The following LOXHD1 variants were observed in gnomAD, a reference collection of about 807,000 sequenced individuals.
The protein encoded by LOXHD1 is lipoxygenase homology domain-containing protein 1.
A neutral mutation model predicts 248.2 loss-of-function variants in LOXHD1; 205 were observed. That is an observed-to-expected ratio of 0.83 (90% CI 0.74 to 0.93). LOXHD1 has a LOEUF of 0.93. Among genes scored for constraint, LOXHD1 ranks in the 40% least tolerant of loss-of-function variants. The pLI is 0.00. For synonymous variants in LOXHD1, 1,113 were observed against 1,162.8 expected (o/e 0.96, Z 0.87); for missense variants, 2,930 against 2,971.6 (o/e 0.99, Z 0.33).
intron 4 of LOXHD1, among the ~76,000 whole-genome samples, chr18:46,636,487 G>A (rs780385792): frequency 1.3e-4 from 20 of 152,292 alleles, no homozygotes; most frequent in South Asian, 2.1e-4. Context: ...AATCACCTCC[G>A]TCAAAGGGTC....
At position 46,598,288 on chromosome 18, in the gene LOXHD1, C is replaced by T. The variant is rs573515216; in HGVS notation, c.1134+2929G>A. Among the ~76,000 whole-genome samples, 379 of 152,122 alleles carry T rather than the reference C, an allele frequency of 2.5e-3. 1 individual carries two copies. In the Middle Eastern group the frequency reaches 0.045, roughly 18 times the overall value. ...ACCAATTCATCATAAAAACTCCTTA[C>T]AATATAAAAGTAGAAGGGAATTTTA... On this transcript the variant is annotated intron_variant, in intron 8 of 40. Transcript: ENST00000642948.
chr18:46,551,484 G>C (rs1411408468), intron 21 of LOXHD1, among the ~76,000 whole-genome samples: 1 of 151,998 alleles, frequency 6.6e-6, no homozygotes, highest in Admixed American at 6.6e-5. Flanking sequence ...GCCTAAGATG[G>C]TGCCAACCCT....
chr18:46,529,331 A>C lies in LOXHD1; in HGVS notation c.4376T>G (p.Ile1459Ser), dbSNP rs1006847973. The change falls in exon 29 of 41, where the codon ATT (isoleucine) becomes AGT (serine). Residue 1459 changes from isoleucine to serine, a missense_variant and splice_region_variant. Coordinates refer to ENST00000642948, the MANE Select transcript of LOXHD1 (RefSeq NM_001384474.1). ...VYKEVEEPLD[I>S]VLYSVQIFTG... ...GAAGATCTGCACCGAGTACAGCACA[A>C]CTGGGCAGGTGGTGGGACAGACAGA... is the stretch of plus-strand genomic sequence containing the variant. 14 of 1,536,328 alleles carry C rather than the reference A, an allele frequency of 9.1e-6. No individual in the cohort carries two copies. Among genetic ancestry groups the C allele is most frequent in the Non-Finnish European group, 1.2e-5 (14 of 1,135,914 alleles).
chr18:46,567,630 A>G (rs766615331), intron 16 of LOXHD1, among the ~76,000 whole-genome samples: 6 of 152,228 alleles, frequency 3.9e-5, no homozygotes, highest in African/African-American at 7.2e-5. Flanking sequence ...CAGTTCTACA[A>G]CACTTCACAC....
At chr18:46,616,628 C>T (rs375024831) in intron 5 of LOXHD1, among the ~76,000 whole-genome samples, 1 of 151,948 alleles carries the variant, frequency 6.6e-6, no homozygotes, top group African/African-American at 2.4e-5. Context: ...GAAGTATATC[C>T]TTTAGTGGTT....
chr18:46,520,148 G>T, intron 33 of LOXHD1: 1 of 452,958 alleles, frequency 2.2e-6, no homozygotes, highest in Non-Finnish European at 4.4e-6. Context: ...GTGCGCTATA[G>T]AAAGTGCTGC....
intron 34 of LOXHD1, among the ~76,000 whole-genome samples, chr18:46,512,761 T>C (rs991300453): frequency 1.3e-5 from 2 of 152,204 alleles, no homozygotes; most frequent in Admixed American, 6.5e-5. Context: ...ATCTGACCAA[T>C]CTCAGTGCCT....
Position 46,488,682 on chromosome 18 carries a change from A to G in LOXHD1, c.6049+290T>C, listed in dbSNP as rs1361949546. 2.0e-5 allele frequency among the ~76,000 whole-genome samples: 3 copies of G among 152,308 alleles called. No homozygotes were observed. The East Asian group carries it at 5.8e-4, about 29-fold the overall frequency. ...GATGTCCATGTTATAAAAATAAACC[A>G]GAGAGAACTCCACACCAAACCACCC... On this transcript the variant is annotated intron_variant, in intron 38 of 40. Transcript: ENST00000642948.
Position 46,572,120 on chromosome 18 carries a change from C to T in LOXHD1, c.2013G>A (p.Glu671=). 1.3e-6 allele frequency: 2 copies of T among 1,551,876 alleles called. No homozygotes were observed. Among genetic ancestry groups the T allele is most frequent in the Non-Finnish European group, 1.7e-6 (2 of 1,147,040 alleles). ...KDKDDGQLVR[E]LLPSDSSATL... is the part of the protein sequence containing the mutation. ...TCGCGCTGCTGTCACTGGGTAGCAA[C>T]TCTCGGACCAGCTGCCCATCATCCT... The change falls in exon 15 of 41, where the codon GAG becomes GAA. Residue 671 remains glutamate, a synonymous_variant. Coordinates refer to ENST00000642948, the MANE Select transcript of LOXHD1 (RefSeq NM_001384474.1).
chr18:46,496,013 C>T (rs1029885945), intron 37 of LOXHD1, among the ~76,000 whole-genome samples: 1 of 152,112 alleles, frequency 6.6e-6, no homozygotes, highest in Non-Finnish European at 1.5e-5. Flanking sequence ...GCCTGGGTGA[C>T]AGAGTGAAAC....
chr18:46,546,475 A>G (rs199643251), intron 22 of LOXHD1, among the ~76,000 whole-genome samples: 1 of 129,744 alleles, frequency 7.7e-6, no homozygotes, highest in African/African-American at 2.9e-5. Context: ...TTCCATTCCA[A>G]CCCATCACAT....
chr18:46,530,732 A>T (rs1267607393), intron 28 of LOXHD1, among the ~76,000 whole-genome samples: 1 of 152,192 alleles, frequency 6.6e-6, no homozygotes, highest in East Asian at 1.9e-4. Flanking sequence ...CACCCACAGC[A>T]GGGTTCCCAT....
At chr18:46,519,682 T>C (rs914406642) in intron 33 of LOXHD1, among the ~76,000 whole-genome samples, 7 of 152,208 alleles carry the variant, frequency 4.6e-5, no homozygotes, top group Non-Finnish European at 8.8e-5. Context: ...AAATGAGTGC[T>C]TCAGCTGCCC....
intron 34 of LOXHD1, among the ~76,000 whole-genome samples, chr18:46,516,894 C>A (rs1049894014): frequency 1.3e-5 from 2 of 152,154 alleles, no homozygotes; most frequent in Admixed American, 1.3e-4. Context: ...TCACTACCAT[C>A]ATCCCAGTCA....
chr18:46,535,537 C>A lies in LOXHD1; in HGVS notation c.4096-1086G>T, dbSNP rs140871859. Among the ~76,000 whole-genome samples the A allele has an allele frequency of 1.8e-3, 268 of 152,152 alleles. 1 individual carries two copies. The highest frequency in any genetic ancestry group is 6.3e-3 in the African/African-American group (262 of 41,486). On this transcript the variant is annotated intron_variant, in intron 26 of 40. Transcript: ENST00000642948. ...AATCTCTGGCTTCTGTGACCTTAAT[C>A]CTCTAAGCACTAAGTTGCATGGGAC...
chr18:46,571,456 T>TA (rs200429979), intron 15 of LOXHD1, among the ~76,000 whole-genome samples: 1,640 of 152,110 alleles, frequency 0.011, 14 homozygotes, highest in Middle Eastern at 0.048. Context: ...GTTGACAGAG[T>TA]AAGACCCTGT....
At chr18:46,491,974 T>A (rs776819384) in intron 37 of LOXHD1, among the ~76,000 whole-genome samples, 3 of 152,226 alleles carry the variant, frequency 2.0e-5, no homozygotes, top group Non-Finnish European at 1.5e-5. Context: ...CAAATTAGAA[T>A]TCCTCAGAGA....
intron 25 of LOXHD1, among the ~76,000 whole-genome samples, chr18:46,540,015 T>C (rs1005326402): frequency 6.6e-5 from 10 of 152,228 alleles, no homozygotes; most frequent in African/African-American, 2.4e-4. Context: ...ATAGTAGTAA[T>C]AGTTATCACT....
intron 4 of LOXHD1, among the ~76,000 whole-genome samples, chr18:46,623,510 T>C (rs1018825362): frequency 2.0e-5 from 3 of 152,188 alleles, no homozygotes; most frequent in South Asian, 2.1e-4. Context: ...AGCCTAAAGA[T>C]AGAGTGCCCA....
Sources: gnomAD v4.1 joint callset for allele counts (sites outside exome capture counted in the v4.1 genomes callset) on GRCh38, gnomAD v4.1.1 for gene constraint, MANE v1.5 for transcripts, NCBI Gene and HGNC (gene_info 2026-07-23, HGNC 2026-07-21) for gene names.